The following SLC43A1 variants were observed in gnomAD, a reference collection of about 807,000 sequenced individuals.
SLC43A1 encodes solute carrier family 43 member 1, also known as large neutral amino acids transporter small subunit 3.
Under a neutral mutation model 59.5 loss-of-function variants are expected in SLC43A1, and 31 were observed. That is an observed-to-expected ratio of 0.52 (90% CI 0.39 to 0.70). SLC43A1 has a LOEUF of 0.70. Among genes scored for constraint, SLC43A1 ranks in the 30% least tolerant of loss-of-function variants. SLC43A1 has a pLI of 0.00. For synonymous variants in SLC43A1, 259 were observed against 290.9 expected, an observed-to-expected ratio of 0.89 and a Z score of 1.12; for missense variants, 598 against 717.8, an observed-to-expected ratio of 0.83 and a Z score of 1.91.
At chr11:57,498,819 TG>T (rs1441643934) in intron 5 of SLC43A1, among the ~76,000 whole-genome samples, 1 of 152,136 alleles carries the variant, frequency 6.6e-6, no homozygotes, top group Non-Finnish European at 1.5e-5. Context: ...ATTGATCATG[TG>T]TTCCACTCAC....
intron 2 of SLC43A1, among the ~76,000 whole-genome samples, chr11:57,513,526 A>G (rs1259678479): frequency 1.3e-5 from 2 of 152,204 alleles, no homozygotes; most frequent in South Asian, 2.1e-4. Context: ...ACTTTGTCCA[A>G]ATGAGTAATT....
At chr11:57,491,476 T>C (rs1274892412) in intron 10 of SLC43A1, 114 bp from the exon 11 acceptor site, 1 of 1,572,838 alleles carries the variant, frequency 6.4e-7, no homozygotes, top group African/African-American at 1.3e-5. Context: ...ACCCAGACTC[T>C]TACATCCCAC....
intron 2 of SLC43A1, among the ~76,000 whole-genome samples, chr11:57,511,925 C>T (rs112816153): frequency 6.6e-5 from 10 of 151,888 alleles, no homozygotes; most frequent in South Asian, 4.2e-4. Flanking sequence ...GGGGGTGAGG[C>T]GAGTGAGTAC....
intron 11 of SLC43A1, 85 bp from the exon 12 acceptor site, chr11:57,489,477 G>A (rs555844633): frequency 2.6e-6 from 4 of 1,510,302 alleles, no homozygotes; most frequent in Non-Finnish European, 3.6e-6. Context: ...CCCTTCAGAT[G>A]TGCCTTCGAT....
intron 2 of SLC43A1, among the ~76,000 whole-genome samples, chr11:57,504,257 G>C (rs749041685): frequency 2.0e-5 from 3 of 152,134 alleles, no homozygotes; most frequent in Non-Finnish European, 4.4e-5. Flanking sequence ...CTGAGTGGAG[G>C]CCATCCCCTT....
intron 2 of SLC43A1, among the ~76,000 whole-genome samples, 191 bp downstream of exon 2, chr11:57,513,767 C>A (rs192666806): frequency 6.6e-6 from 1 of 152,296 alleles, no homozygotes; most frequent in East Asian, 1.9e-4. Context: ...TCAGTGACCA[C>A]TGGATTAGAT....
Position 57,491,717 on chromosome 11 carries a change from A to G in SLC43A1, c.1017T>C (p.His339=), listed in dbSNP as rs1257869404. 1 of 1,614,102 alleles carries G rather than the reference A, an allele frequency of 6.2e-7. No homozygotes were observed. The highest frequency in any genetic ancestry group is 1.3e-5 in the African/African-American group (1 of 74,940). ...CCAGGGGCCTCAGCGGTGCCTCACC[A>G]TGCTCCTGGCCACCAGTCACAAGGT... ...LEYLVTGGQE[H]ETNEQQQKVA... is the part of the protein sequence containing the mutation. The change falls in exon 9 of 15, where the codon CAT becomes CAC. Residue 339 remains histidine (H), a splice_region_variant and synonymous_variant. Coordinates refer to ENST00000278426, the MANE Select transcript of SLC43A1 (RefSeq NM_003627.6).
rs1236310514 is a variant in SLC43A1 at position 57,491,254 on chromosome 11, G to A, written c.1163C>T (p.Pro388Leu). 6.2e-7 allele frequency: 1 copy of A among 1,603,518 alleles called. No homozygotes were observed. Among genetic ancestry groups the A allele is most frequent in the East Asian group, 2.2e-5 (1 of 44,716 alleles). ...DWRIKDCVDA[P>L]TQGTVLGDAR... ...ATCTCCGAGGACAGTGCCCTGAGTT[G>A]GGGCGTCCACGCAGTCCTTGATCCG... The change falls in exon 11 of 15, where the codon CCA becomes CTA. Residue 388 changes from proline to leucine, a missense_variant. By Grantham distance (98) the Pro-to-Leu change is moderately conservative. Coordinates refer to ENST00000278426, the MANE Select transcript of SLC43A1 (RefSeq NM_003627.6).
intron 2 of SLC43A1, among the ~76,000 whole-genome samples, chr11:57,510,104 G>A (rs1221398850): frequency 1.3e-5 from 2 of 152,060 alleles, no homozygotes; most frequent in Non-Finnish European, 2.9e-5. Context: ...TGATCAGTAG[G>A]GAAACACAAA....
At chr11:57,509,009 A>G (rs1944460323) in intron 2 of SLC43A1, among the ~76,000 whole-genome samples, 1 of 152,044 alleles carries the variant, frequency 6.6e-6, no homozygotes, top group African/African-American at 2.4e-5. Flanking sequence ...CCAGCTACTC[A>G]GGAGTCTGAG....
intron 2 of SLC43A1, among the ~76,000 whole-genome samples, chr11:57,502,927 CA>C (rs1212473358): frequency 1.3e-5 from 2 of 148,952 alleles, no homozygotes; most frequent in African/African-American, 4.9e-5. Context: ...AAAAAACCAA[CA>C]AGGGGACAAG....
chr11:57,515,015 G>C lies in SLC43A1; in HGVS notation c.-14+429C>G. The C allele has an allele frequency of 1.0e-6, 1 of 984,706 alleles. No individual in the cohort carries two copies. The highest frequency in any genetic ancestry group is 1.1e-4 in the East Asian group (1 of 8,764). 61.0% of individuals were successfully genotyped at this position (984,706 alleles called of 1,614,324 possible). A position where few individuals can be genotyped will look rare whatever the true frequency, so the allele number is the denominator to read the frequency against. On this transcript the variant is annotated intron_variant, in intron 1 of 14. Coordinates refer to ENST00000278426, the MANE Select transcript of SLC43A1 (RefSeq NM_003627.6). This position sits in a 1 kb window ranked among gnomAD's most constrained non-coding sequence, Gnocchi z 5.3. ...GAGGAGAGGGAACGCGGGCGGCGCG[G>C]GGGCGGGGAGCGACAACTGGGATGA...
rs1261336637 is a variant in SLC43A1, at chr11:57,501,154, G to C, written c.330C>G (p.Gly110=). The C allele has an allele frequency of 6.2e-7, 1 of 1,612,482 alleles. No homozygotes were observed. Among genetic ancestry groups the C allele is most frequent in the South Asian group, 1.1e-5 (1 of 91,054 alleles). ...RFGPRPVRLV[G]SACFTASCTL... ...TCCCCATAGCCCAGCCACCTCACCT[G>C]CCAACCAGCCGCACGGGTCGGGGGC... Residue 110 remains glycine (G), a splice_region_variant and synonymous_variant, in exon 3 of 15, where the codon GGC becomes GGG. Transcript: ENST00000278426.
At chr11:57,488,485 G>T (rs1466837745) in intron 13 of SLC43A1, among the ~76,000 whole-genome samples, 1 of 152,148 alleles carries the variant, frequency 6.6e-6, no homozygotes, top group Non-Finnish European at 1.5e-5. Flanking sequence ...CATCATTATT[G>T]TAATGTCCTG....
intron 2 of SLC43A1, among the ~76,000 whole-genome samples, chr11:57,509,585 C>T (rs1944474215): frequency 7.3e-6 from 1 of 137,294 alleles, no homozygotes; most frequent in Admixed American, 7.7e-5. Flanking sequence ...AAGATTCCGT[C>T]AGAAGGACAA....
intron 13 of SLC43A1, among the ~76,000 whole-genome samples, chr11:57,487,870 A>T (rs1165760583): frequency 6.6e-6 from 1 of 152,120 alleles, no homozygotes; most frequent in Non-Finnish European, 1.5e-5. Context: ...AACAGGGACT[A>T]GTACATGCAA....
Position 57,513,999 on chromosome 11 carries a change from A to G in SLC43A1, c.113T>C (p.Ile38Thr). ...AVLLGWGSLL[I>T]ILKNEGFYSS... Reference sequence around the variant, plus strand: ...ATAGAAGCCCTCGTTCTTCAGAATGATCAACAGGGAGCCCCAGCCCAGGAG... The same window carrying G: ...ATAGAAGCCCTCGTTCTTCAGAATGGTCAACAGGGAGCCCCAGCCCAGGAG... Residue 38 changes from isoleucine (I) to threonine (T), a missense_variant, in exon 2 of 15, where the codon ATC (isoleucine) becomes ACC (threonine). Coordinates refer to ENST00000278426, the MANE Select transcript of SLC43A1 (RefSeq NM_003627.6). 1.3e-6 allele frequency: 2 copies of G among 1,544,434 alleles called. No homozygotes were observed. Among genetic ancestry groups the G allele is most frequent in the Non-Finnish European group, 1.8e-6 (2 of 1,138,062 alleles).
At chr11:57,499,383 C>T (rs1944188817) in intron 5 of SLC43A1, among the ~76,000 whole-genome samples, 1 of 152,224 alleles carries the variant, frequency 6.6e-6, no homozygotes, top group Admixed American at 6.5e-5. Flanking sequence ...TCCCCCTTCC[C>T]CTGAAGTGGC....
chr11:57,486,595 C>G (rs1243894132), intron 14 of SLC43A1, among the ~76,000 whole-genome samples: 3 of 149,606 alleles, frequency 2.0e-5, no homozygotes, highest in African/African-American at 4.9e-5. Flanking sequence ...GTCGGGAGAT[C>G]GAGGCCATCC....
Sources: gnomAD v4.1 joint callset for allele counts (sites outside exome capture counted in the v4.1 genomes callset) on GRCh38, gnomAD v4.1.1 for gene constraint, Gnocchi (gnomAD v3.1) non-coding constraint, MANE v1.5 for transcripts, NCBI Gene and HGNC (gene_info 2026-07-23, HGNC 2026-07-21) for gene names.